The following CKAP5 variants were observed in gnomAD, a reference collection of about 807,000 sequenced individuals.
CKAP5 encodes the protein cytoskeleton associated protein 5.
Under a neutral mutation model 232.8 loss-of-function variants are expected in CKAP5, and 27 were observed. The ratio of observed to expected loss-of-function variants is 0.12; its 90% confidence interval spans 0.09 to 0.16. The LOEUF is 0.16. Among genes scored for constraint, CKAP5 ranks in the 10% least tolerant of loss-of-function variants. The pLI, the probability that CKAP5 is intolerant of heterozygous loss-of-function variation, is 1.00. For missense variants in CKAP5, 1,838 were observed against 2,424.7 expected (o/e 0.76, Z 5.08); for synonymous variants, 785 against 841.1 (o/e 0.93, Z 1.16).
chr11:46,845,906 C>T (rs1240940740), intron 1 of CKAP5, among the ~76,000 whole-genome samples: 5 of 151,946 alleles, frequency 3.3e-5, no homozygotes, highest in Non-Finnish European at 7.4e-5. Flanking sequence ...CTTGGTAAAT[C>T]GCTGCCGCCA....
rs1939024110 is a variant in CKAP5, at chr11:46,801,215, T to C, written c.1068A>G (p.Gly356=). 2 of 1,612,872 alleles carry C rather than the reference T, an allele frequency of 1.2e-6. No homozygotes were observed. The highest frequency in any genetic ancestry group is 1.7e-6 in the Non-Finnish European group (2 of 1,178,960). Residue 356 remains glycine (G), a synonymous_variant, in exon 9 of 44, where the codon GGA becomes GGG. Coordinates refer to ENST00000529230, the MANE Select transcript of CKAP5 (RefSeq NM_001008938.4). ...GLAVGLRKKF[G]QYAGHVVPTI... Reference sequence around the variant, plus strand: ...TGTTACTTACATGTCCTGCATATTGTCCAAATTTCTTCCTTAGCCCAACAG... The same window carrying C: ...TGTTACTTACATGTCCTGCATATTGCCCAAATTTCTTCCTTAGCCCAACAG...
Position 46,754,846 on chromosome 11 carries a change from A to G in CKAP5, c.4869+42T>C, listed in dbSNP as rs1248303969. 15 of 1,561,102 alleles carry G rather than the reference A, an allele frequency of 9.6e-6. No homozygotes were observed. In the East Asian group the frequency reaches 3.4e-4, roughly 35 times the overall value. On this transcript the variant is annotated intron_variant, in intron 36 of 43. Transcript: ENST00000529230. ...CTGGCTTTTGAACCTCTGTAGGCTGAGAGATTGATGGGAAGCTGAAATTCT... is the reference window on the plus strand; with the variant it reads ...CTGGCTTTTGAACCTCTGTAGGCTGGGAGATTGATGGGAAGCTGAAATTCT...
chr11:46,821,927 T>C (rs1046282328), intron 1 of CKAP5, among the ~76,000 whole-genome samples: 1 of 152,048 alleles, frequency 6.6e-6, no homozygotes, highest in Non-Finnish European at 1.5e-5. Flanking sequence ...TAGTCCCATC[T>C]ACTCGGAAGT....
chr11:46,751,531 G>C lies in CKAP5; in HGVS notation c.5137C>G (p.Leu1713Val). The C allele has an allele frequency of 6.2e-7, 1 of 1,602,558 alleles. No individual in the cohort carries two copies. The highest frequency in any genetic ancestry group is 1.1e-5 in the South Asian group (1 of 89,422). The change falls in exon 39 of 44, where the codon CTC (leucine) becomes GTC (valine). Residue 1713 changes from leucine to valine, a missense_variant. Physicochemically the swap from Leu to Val is conservative, Grantham distance 32. This residue lies in a region of CKAP5 where 579 missense variants were observed against 843.2 expected (regional missense o/e 0.69). Transcript: ENST00000529230. ...GGCAACAGTCGAACCATTCTCCAGA[G>C]ACACTATTGAAAAAAGAATAAAAGA... Reference protein sequence around the residue: ...PKFSELVMKCLWRMVRLLPDT... With the variant: ...PKFSELVMKCVWRMVRLLPDT...
In CKAP5 at chr11:46,818,391, A is replaced by C. The variant is rs1238367603; in HGVS notation, c.170T>G (p.Val57Gly). 2 of 1,612,478 alleles carry C rather than the reference A, an allele frequency of 1.2e-6. No homozygotes were observed. The highest frequency in any genetic ancestry group is 1.7e-6 in the Non-Finnish European group (2 of 1,179,382). The change falls in exon 3 of 44, where the codon GTC becomes GGC. Residue 57 changes from valine to glycine, a missense_variant. Transcript: ENST00000529230. ...TTGAACCACTGCATTGGAATCAGTG[A>C]CAAATTTTTTGATCAATCCTAAAAA... is the stretch of plus-strand genomic sequence containing the variant. ...SKFLGLIKKF[V>G]TDSNAVVQLK...
At chr11:46,792,347 G>A (rs952953772) in intron 13 of CKAP5, among the ~76,000 whole-genome samples, 1 of 152,154 alleles carries the variant, frequency 6.6e-6, no homozygotes, top group Non-Finnish European at 1.5e-5. Flanking sequence ...GAGGTCAGGA[G>A]TTTGAGACCA....
In CKAP5 at chr11:46,795,625, G is replaced by C. The variant is rs1938853267; in HGVS notation, c.1619C>G (p.Pro540Arg). 1 of 1,613,932 alleles carries C rather than the reference G, an allele frequency of 6.2e-7. No homozygotes were observed. The highest frequency in any genetic ancestry group is 1.7e-4 in the Middle Eastern group (1 of 6,056). Residue 540 changes from proline (P) to arginine (R), a missense_variant, in exon 13 of 44, where the codon CCA becomes CGA. Physicochemically the swap from Pro to Arg is moderately radical, Grantham distance 103. This residue lies in a region of CKAP5 where 767 missense variants were observed against 954.6 expected (regional missense o/e 0.80). Transcript: ENST00000529230. The stretch of plus-strand genomic sequence containing the variant: ...AGCAGGTGCCTTTTTTAGAGGTCCT[G>C]GTTTGGGTGCAGAAATGTCCTTTGT... The part of the protein sequence containing the change: ...KDTKDISAPK[P>R]GPLKKAPAAK...
chr11:46,751,162 C>T lies in CKAP5; in HGVS notation c.5416G>A (p.Gly1806Arg). ...RMMKHSMDQTGSKSDKETEKG... is the reference protein window; with the variant it reads ...RMMKHSMDQTRSKSDKETEKG... ...TCTGTTTCCTTATCAGACTTGCTCC[C>T]AGTCTGGTCCATACTGTGCTTCATC... Residue 1806 changes from glycine (G) to arginine (R), a missense_variant, in exon 40 of 44, where the codon GGG (glycine) becomes AGG (arginine). Around this residue, in one of 6 missense-constraint regions of CKAP5, gnomAD observed 579 missense variants for 843.2 expected, o/e 0.69. Coordinates refer to ENST00000529230, the MANE Select transcript of CKAP5 (RefSeq NM_001008938.4). 6.2e-7 allele frequency: 1 copy of T among 1,614,156 alleles called. No individual in the cohort carries two copies. The highest frequency in any genetic ancestry group is 1.1e-5 in the South Asian group (1 of 91,082).
Position 46,780,286 on chromosome 11 carries a change from C to T in CKAP5, c.2341G>A (p.Val781Met), listed in dbSNP as rs769587227. Residue 781 changes from valine (V) to methionine (M), a missense_variant, in exon 20 of 44, where the codon GTG (valine) becomes ATG (methionine). Physicochemically the swap from Val to Met is conservative, Grantham distance 21. This residue lies in a region of CKAP5 where 767 missense variants were observed against 954.6 expected (regional missense o/e 0.80). Coordinates refer to ENST00000529230, the MANE Select transcript of CKAP5 (RefSeq NM_001008938.4). ...GAGGGACCAACATACAGATACATCA[C>T]GCCAAGCAGGGTTATGGCAGCAGTC... ...VRTAAITLLG[V>M]MYLYVGPSLR... 8.1e-6 allele frequency: 13 copies of T among 1,613,940 alleles called. No individual in the cohort carries two copies. The highest frequency in any genetic ancestry group is 1.1e-5 in the Non-Finnish European group (13 of 1,179,964).
chr11:46,754,147 G>A (rs551984423), intron 36 of CKAP5, among the ~76,000 whole-genome samples: 2 of 151,954 alleles, frequency 1.3e-5, no homozygotes, highest in East Asian at 1.9e-4. Context: ...ACAGGCGCCC[G>A]CCACCAGGCC....
At chr11:46,794,286 T>A (rs567227708) in intron 13 of CKAP5, among the ~76,000 whole-genome samples, 73 of 151,442 alleles carry the variant, frequency 4.8e-4, no homozygotes, top group African/African-American at 1.7e-3. Context: ...GTGAAACCCG[T>A]CTCTACAAAA....
intron 4 of CKAP5, among the ~76,000 whole-genome samples, chr11:46,815,757 C>A (rs1939384358): frequency 6.6e-6 from 1 of 152,210 alleles, no homozygotes; most frequent in South Asian, 2.1e-4. Context: ...AGGTCACTTT[C>A]TTGCTTGTTT....
chr11:46,806,085 T>G (rs924931022), intron 8 of CKAP5, among the ~76,000 whole-genome samples: 1 of 152,362 alleles, frequency 6.6e-6, no homozygotes, highest in East Asian at 1.9e-4. Context: ...TCTTTTTACT[T>G]GTTTGTGGTC....
In CKAP5 at chr11:46,774,724, AAAC is replaced by A. The variant is rs540177315; in HGVS notation, c.2991+1528_2991+1530del. Among the ~76,000 whole-genome samples, 10 of 152,338 alleles carry A rather than the reference AAAC, an allele frequency of 6.6e-5. No homozygotes were observed. The East Asian group carries it at 1.7e-3, about 26-fold the overall frequency. ...TCTGATCTTTGACAAATCTGACAAA[AAAC>A]AAGAAATGGGGAAAGGATTCACTAT... On this transcript the variant is annotated intron_variant, in intron 24 of 43. Coordinates refer to ENST00000529230, the MANE Select transcript of CKAP5 (RefSeq NM_001008938.4).
In CKAP5 at chr11:46,762,146, C is replaced by A. The variant is rs2065160439; in HGVS notation, c.4075G>T (p.Val1359Phe). The part of the protein sequence containing the change: ...GCLVESYGMN[V>F]CQPTPGKALK... ...GCTTTTCCTGGGGTTGGTTGGCAAA[C>A]ATTCATGCCATAGGACTCAACCAGA... is the stretch of plus-strand genomic sequence containing the variant. Residue 1359 changes from valine to phenylalanine, a missense_variant, in exon 32 of 44, where the codon GTT (valine) becomes TTT (phenylalanine). Around this residue, in one of 6 missense-constraint regions of CKAP5, gnomAD observed 579 missense variants for 843.2 expected, o/e 0.69. Coordinates refer to ENST00000529230, the MANE Select transcript of CKAP5 (RefSeq NM_001008938.4). 6.2e-7 allele frequency: 1 copy of A among 1,613,982 alleles called. No individual in the cohort carries two copies. Among genetic ancestry groups the A allele is most frequent in the Non-Finnish European group, 8.5e-7 (1 of 1,180,008 alleles).
intron 16 of CKAP5, among the ~76,000 whole-genome samples, chr11:46,788,195 G>A (rs955022562): frequency 6.6e-6 from 1 of 152,160 alleles, no homozygotes; most frequent in Non-Finnish European, 1.5e-5. Context: ...ACTGCACAAG[G>A]GGTAGTACCC....
intron 1 of CKAP5, among the ~76,000 whole-genome samples, chr11:46,840,365 C>G (rs1000352485): frequency 6.6e-6 from 1 of 152,100 alleles, no homozygotes; most frequent in Non-Finnish European, 1.5e-5. Context: ...TTCCCTGAAT[C>G]TAGAACAATG....
At chr11:46,798,768 T>C (rs1056274637) in intron 9 of CKAP5, among the ~76,000 whole-genome samples, 1 of 152,172 alleles carries the variant, frequency 6.6e-6, no homozygotes, top group Non-Finnish European at 1.5e-5. Context: ...TGGAATTAGA[T>C]AGTGCTGATG....
At chr11:46,748,513 G>A (rs1449650860) in intron 42 of CKAP5, among the ~76,000 whole-genome samples, 2 of 152,128 alleles carry the variant, frequency 1.3e-5, no homozygotes, top group African/African-American at 4.8e-5. Context: ...GGTGGCTCAC[G>A]CCTGTAATCC....
Sources: gnomAD v4.1 joint callset for allele counts (sites outside exome capture counted in the v4.1 genomes callset) on GRCh38, gnomAD v4.1.1 for gene constraint, gnomAD v4.1.1 regional missense constraint, MANE v1.5 for transcripts, NCBI Gene and HGNC (gene_info 2026-07-23, HGNC 2026-07-21) for gene names.